CGNL1: variants seen among roughly 807,000 people sequenced by gnomAD.
CGNL1 encodes cingulin-like protein 1.
Under a neutral mutation model 141.2 loss-of-function variants are expected in CGNL1, and 132 were observed. The ratio of observed to expected loss-of-function variants is 0.93; its 90% confidence interval spans 0.81 to 1.08. CGNL1 has a LOEUF of 1.08. Among genes scored for constraint, CGNL1 ranks in the 50% least tolerant of loss-of-function variants. The pLI, the probability that CGNL1 is intolerant of heterozygous loss-of-function variation, is 0.00. For missense variants in CGNL1, 1,870 were observed against 1,588.6 expected (o/e 1.18, Z -3.01); for synonymous variants, 690 against 622.1 (o/e 1.11, Z -1.63).
intron 8 of CGNL1, among the ~76,000 whole-genome samples, chr15:57,509,925 G>T (rs1379129862): frequency 6.6e-6 from 1 of 152,168 alleles, no homozygotes; most frequent in Admixed American, 6.5e-5. Flanking sequence ...CACCACCCTT[G>T]ACTGGGAAAT....
In CGNL1 at chr15:57,497,432, C is replaced by T. The variant is rs1006985569; in HGVS notation, c.2404-19348C>T. ...TTGTGACAGCACACTCCAGGAGAAGCGTCTGGCATGTGTCTCTTGGCCTCA... is the reference window on the plus strand; with the variant it reads ...TTGTGACAGCACACTCCAGGAGAAGTGTCTGGCATGTGTCTCTTGGCCTCA... On this transcript the variant is annotated intron_variant, in intron 8 of 18. Coordinates refer to ENST00000281282, the MANE Select transcript of CGNL1 (RefSeq NM_032866.5). Among the ~76,000 whole-genome samples the T allele has an allele frequency of 3.9e-5, 6 of 152,248 alleles. No homozygotes were observed. In the East Asian group the frequency reaches 7.7e-4, roughly 20 times the overall value.
At chr15:57,434,016 A>G (rs1463579300) in intron 1 of CGNL1, among the ~76,000 whole-genome samples, 1 of 152,196 alleles carries the variant, frequency 6.6e-6, no homozygotes, top group Admixed American at 6.5e-5. Context: ...CTTCATTCTT[A>G]AATAGGATCA....
intron 2 of CGNL1, 40 bp from the exon 3 acceptor site, chr15:57,440,337 A>C: frequency 2.6e-5 from 38 of 1,438,682 alleles, no homozygotes; most frequent in Non-Finnish European, 3.5e-5. Flanking sequence ...GCCTCTGGGA[A>C]CTTCATCCTC....
chr15:57,476,720 T>C (rs2063662103), intron 8 of CGNL1, among the ~76,000 whole-genome samples: 1 of 152,192 alleles, frequency 6.6e-6, no homozygotes, highest in Non-Finnish European at 1.5e-5. Flanking sequence ...TCTGTCCGAG[T>C]CATCTCTAGG....
At position 57,523,486 on chromosome 15, in the gene CGNL1, C is replaced by T; in HGVS notation, c.2716-3C>T. On this transcript the variant is annotated splice_region_variant and splice_polypyrimidine_tract_variant and intron_variant, in intron 10 of 18. Transcript: ENST00000281282. ...AGCACTGTCCTTTCCCTGCCATTTG[C>T]AGGGAAATCTGAGTCAGACTACCCA... is the stretch of plus-strand genomic sequence containing the variant. 1.2e-6 allele frequency: 2 copies of T among 1,614,042 alleles called. No homozygotes were observed. The highest frequency in any genetic ancestry group is 1.7e-6 in the Non-Finnish European group (2 of 1,179,980).
intron 8 of CGNL1, among the ~76,000 whole-genome samples, chr15:57,512,722 T>A (rs541168748): frequency 6.6e-6 from 1 of 152,258 alleles, no homozygotes; most frequent in East Asian, 1.9e-4. Flanking sequence ...TTAAATCAGG[T>A]CTGGTTTTCA....
chr15:57,526,799 C>A (rs1003380278), intron 12 of CGNL1, among the ~76,000 whole-genome samples: 1 of 151,982 alleles, frequency 6.6e-6, no homozygotes, highest in Non-Finnish European at 1.5e-5. Flanking sequence ...TATGATGGGG[C>A]CCTTACCGGG....
intron 7 of CGNL1, 106 bp downstream of exon 7, chr15:57,453,924 G>T: frequency 7.8e-7 from 1 of 1,274,168 alleles, no homozygotes; most frequent in Non-Finnish European, 1.1e-6. Flanking sequence ...GTGCACACCT[G>T]CTCCACCTGT....
Position 57,528,832 on chromosome 15 carries a change from G to A in CGNL1, c.3201+17G>A. 1 of 1,611,970 alleles carries A rather than the reference G, an allele frequency of 6.2e-7. No homozygotes were observed. Among genetic ancestry groups the A allele is most frequent in the East Asian group, 2.2e-5 (1 of 44,842 alleles). On this transcript the variant is annotated intron_variant, in intron 13 of 18. Transcript: ENST00000281282. ...CAGATGGAGGTCTGTGGGCCGTACAGTGTGAGCTGGGGGACCTGCAGAGAG... is the reference window on the plus strand; with the variant it reads ...CAGATGGAGGTCTGTGGGCCGTACAATGTGAGCTGGGGGACCTGCAGAGAG...
In CGNL1 at chr15:57,518,413, G is replaced by C; in HGVS notation, c.2631G>C (p.Glu877Asp). Residue 877 changes from glutamate (E) to aspartate (D), a missense_variant, in exon 10 of 19, where the codon GAG becomes GAC. Physicochemically the swap from Glu to Asp is conservative, Grantham distance 45. Coordinates refer to ENST00000281282, the MANE Select transcript of CGNL1 (RefSeq NM_032866.5). ...KKYEGEIRQLEEALVHARKEE... is the reference protein window; with the variant it reads ...KKYEGEIRQLDEALVHARKEE... Reference sequence around the variant, plus strand: ...TGTAGGGAGAAATACGACAGTTAGAGGAGGCCCTTGTGCACGCCAGAAAGG... The same window carrying C: ...TGTAGGGAGAAATACGACAGTTAGACGAGGCCCTTGTGCACGCCAGAAAGG... 1 of 1,613,336 alleles carries C rather than the reference G, an allele frequency of 6.2e-7. No homozygotes were observed. The highest frequency in any genetic ancestry group is 1.1e-5 in the South Asian group (1 of 90,850).
At chr15:57,536,781 AG>A (rs1266118281) in intron 14 of CGNL1, among the ~76,000 whole-genome samples, 1 of 152,182 alleles carries the variant, frequency 6.6e-6, no homozygotes, top group African/African-American at 2.4e-5. Flanking sequence ...AGGGCTTTCA[AG>A]GTGAAGTGAC....
At chr15:57,440,518 G>T in intron 3 of CGNL1, 47 bp downstream of exon 3, 1 of 1,391,208 alleles carries the variant, frequency 7.2e-7, no homozygotes, top group Non-Finnish European at 1.0e-6. Flanking sequence ...TGTTTCTGGT[G>T]GGACTCTTAA....
chr15:57,524,673 A>G lies in CGNL1; in HGVS notation c.2961A>G (p.Ala987=). The G allele has an allele frequency of 2.5e-6, 4 of 1,614,268 alleles. No individual in the cohort carries two copies. Among genetic ancestry groups the G allele is most frequent in the Non-Finnish European group, 3.4e-6 (4 of 1,180,042 alleles). The change falls in exon 12 of 19, where the codon GCA becomes GCG. Residue 987 remains alanine (A), a synonymous_variant. Transcript: ENST00000281282. ...EYKEKNRREL[A]EMQRQLKEKT... ...AGGAGAAAAACCGCAGGGAGCTCGC[A>G]GAAATGCAAAGACAGTTGAAGGAGA...
chr15:57,416,480 T>A (rs1368352431), intron 1 of CGNL1, among the ~76,000 whole-genome samples: 2 of 152,166 alleles, frequency 1.3e-5, no homozygotes, highest in Non-Finnish European at 2.9e-5. Context: ...TAAGCCAGCA[T>A]CCTCTCCTGA....
intron 1 of CGNL1, among the ~76,000 whole-genome samples, chr15:57,387,277 C>G (rs146615959): frequency 6.6e-6 from 1 of 152,332 alleles, no homozygotes; most frequent in African/African-American, 2.4e-5. Flanking sequence ...ACCAGCACTT[C>G]ACCACTTTTT....
rs766409234 is a variant in CGNL1, at chr15:57,523,630, C to A, written c.2857C>A (p.Leu953Met). The A allele has an allele frequency of 6.2e-7, 1 of 1,614,064 alleles. No individual in the cohort carries two copies. The change falls in exon 11 of 19, where the codon CTG becomes ATG. Residue 953 changes from leucine (L) to methionine (M), a missense_variant. Transcript: ENST00000281282. ...GCACCTGGGCAAAACCATTGAGAAA[C>A]TGCAGAAGGAGGTGAGGGGCTGGAG... ...RWHLGKTIEK[L>M]QKEMADIVEA...
chr15:57,471,855 C>T (rs553333432), intron 8 of CGNL1, among the ~76,000 whole-genome samples: 17 of 152,204 alleles, frequency 1.1e-4, no homozygotes, highest in East Asian at 1.9e-4. Flanking sequence ...ATCTAAGGAG[C>T]ATTTTATTTA....
intron 8 of CGNL1, among the ~76,000 whole-genome samples, chr15:57,481,064 G>GTTTTTTTTTTTTTTTTTTTTTTTTTTT (rs11298152): frequency 1.7e-5 from 2 of 116,086 alleles, no homozygotes; most frequent in Non-Finnish European, 3.5e-5. Context: ...AAGACCTGGG[G>GTTTTTTTTTTTTTTTTTTTTTTTTTTT]TTTTTTTTTT....
intron 4 of CGNL1, among the ~76,000 whole-genome samples, chr15:57,446,451 C>T (rs1430296930): frequency 2.0e-5 from 3 of 152,062 alleles, no homozygotes; most frequent in Admixed American, 6.5e-5. Flanking sequence ...ATTTTACATA[C>T]ATAAAATTTT....
Sources: gnomAD v4.1 joint callset for allele counts (sites outside exome capture counted in the v4.1 genomes callset) on GRCh38, gnomAD v4.1.1 for gene constraint, MANE v1.5 for transcripts, NCBI Gene and HGNC (gene_info 2026-07-23, HGNC 2026-07-21) for gene names.